The following TRPM3 variants were observed in gnomAD, a reference collection of about 807,000 sequenced individuals.
TRPM3 encodes the protein long transient receptor potential channel 3.
Under a neutral mutation model 181.2 loss-of-function variants are expected in TRPM3, and 77 were observed. The ratio of observed to expected loss-of-function variants is 0.42; its 90% CI spans 0.35 to 0.51. The LOEUF (loss-of-function observed/expected upper bound fraction) is 0.51, where lower values mean the gene tolerates loss of function less well. TRPM3 is among the 20% of genes least tolerant of loss of function. The pLI is 0.01. For missense variants in TRPM3, 1,759 were observed against 2,196.7 expected (o/e 0.80, Z 3.98); for synonymous variants, 745 against 796.4 (o/e 0.94, Z 1.09).
chr9:71,050,920 G>C (rs1435426273), intron 1 of TRPM3, among the ~76,000 whole-genome samples: 1 of 152,198 alleles, frequency 6.6e-6, no homozygotes, highest in Non-Finnish European at 1.5e-5. Context: ...GAGAAGGACT[G>C]ACTTATAGAT....
intron 5 of TRPM3, among the ~76,000 whole-genome samples, chr9:70,833,395 T>C (rs2094086576): frequency 6.6e-6 from 1 of 152,174 alleles, no homozygotes; most frequent in Non-Finnish European, 1.5e-5. Flanking sequence ...GGGTAGTGGA[T>C]GTGTGGCCCA....
intron 1 of TRPM3, among the ~76,000 whole-genome samples, chr9:71,436,256 T>C (rs1395610738): frequency 6.6e-6 from 1 of 151,624 alleles, no homozygotes; most frequent in African/African-American, 2.4e-5. Flanking sequence ...CTCAGCCATG[T>C]GGAACTGTAG....
intron 5 of TRPM3, among the ~76,000 whole-genome samples, chr9:70,841,661 TCCCACCATATATATGTATATATAG>T (rs2094668243): frequency 9.3e-5 from 8 of 86,046 alleles, no homozygotes; most frequent in South Asian, 4.4e-4. Context: ...TATATATATA[TCCCACCATATATATGTATATATAG>T]ATATATCCCA....
At chr9:70,583,054 G>C (rs1359613482) in intron 22 of TRPM3, among the ~76,000 whole-genome samples, 2 of 152,064 alleles carry the variant, frequency 1.3e-5, no homozygotes. Context: ...GTACTGGCTT[G>C]GTACCCCCCA....
In TRPM3 at chr9:71,268,614, C is replaced by G. The variant is rs537261200; in HGVS notation, c.183+178039G>C. Among the ~76,000 whole-genome samples, 13 of 152,092 alleles carry G rather than the reference C, an allele frequency of 8.5e-5. No individual in the cohort carries two copies. The East Asian group carries it at 2.5e-3, about 30-fold the overall frequency. On this transcript the variant is annotated intron_variant, in intron 1 of 24. Transcript: ENST00000357533. ...CTGAAGCGGGTGAATCACCTGAGGT[C>G]AGGAGTTCAAGACCAGCCTTGCCAA...
chr9:71,037,516 CGTGT>C (rs1037657520), intron 1 of TRPM3, among the ~76,000 whole-genome samples: 4 of 152,186 alleles, frequency 2.6e-5, no homozygotes, highest in South Asian at 2.1e-4. Context: ...GACACTTATA[CGTGT>C]GTGTGTGCAC....
intron 6 of TRPM3, among the ~76,000 whole-genome samples, chr9:70,795,204 G>C (rs2086699517): frequency 6.6e-6 from 1 of 152,162 alleles, no homozygotes; most frequent in African/African-American, 2.4e-5. Flanking sequence ...ACATTGAGGG[G>C]TGTTTGCATA....
At chr9:71,001,482 T>A (rs1242147636) in intron 1 of TRPM3, among the ~76,000 whole-genome samples, 2 of 152,248 alleles carry the variant, frequency 1.3e-5, no homozygotes, top group Middle Eastern at 3.2e-3. Flanking sequence ...CACCAGAAGT[T>A]ACTTTTCCTA....
intron 22 of TRPM3, among the ~76,000 whole-genome samples, chr9:70,554,070 G>A (rs59688965): frequency 0.015 from 2,156 of 145,906 alleles, 56 homozygotes; most frequent in African/African-American, 0.049. Flanking sequence ...CAAATGGGGG[G>A]AAAAAAAAAG....
chr9:71,441,606 ACTTTAGTTTTGC>A (rs2094137003), intron 1 of TRPM3, among the ~76,000 whole-genome samples: 1 of 147,908 alleles, frequency 6.8e-6, no homozygotes, highest in Non-Finnish European at 1.5e-5. Flanking sequence ...AGTTTTTCTG[ACTTTAGTTTTGC>A]CTTTGACTCG....
At chr9:71,363,491 T>C (rs1349486473) in intron 1 of TRPM3, among the ~76,000 whole-genome samples, 1 of 152,242 alleles carries the variant, frequency 6.6e-6, no homozygotes, top group Non-Finnish European at 1.5e-5. Context: ...TACTGCCCCA[T>C]CTGGTTTGAA....
intron 1 of TRPM3, among the ~76,000 whole-genome samples, chr9:71,295,650 C>A (rs529375144): frequency 3.3e-5 from 5 of 151,696 alleles, no homozygotes; most frequent in Admixed American, 2.0e-4. Flanking sequence ...CTCAACATAG[C>A]AAGACTGTAT....
At chr9:70,904,057 A>G (rs2096427121) in intron 1 of TRPM3, among the ~76,000 whole-genome samples, 3 of 152,152 alleles carry the variant, frequency 2.0e-5, no homozygotes, top group Admixed American at 6.5e-5. Flanking sequence ...ACCTATCTCT[A>G]CAAGAAACAC....
At chr9:70,783,822 C>T (rs1003507742) in intron 7 of TRPM3, 54 of 1,059,278 alleles carry the variant, frequency 5.1e-5, no homozygotes, top group South Asian at 2.4e-4. Flanking sequence ...GAAGGAGATA[C>T]GAAGAGAAGA....
At chr9:71,343,987 C>T (rs569232319) in intron 1 of TRPM3, among the ~76,000 whole-genome samples, 1 of 147,920 alleles carries the variant, frequency 6.8e-6, no homozygotes, top group South Asian at 2.2e-4. Flanking sequence ...TAACCTATTG[C>T]ATAAAATAGG....
At chr9:70,793,602 T>G (rs10868890) in intron 6 of TRPM3, 349,636 of 469,568 alleles carry the variant, frequency 0.74, 131,571 homozygotes, top group Non-Finnish European at 0.78. Flanking sequence ...TGATCAAACA[T>G]TCCTCTTCCC....
intron 1 of TRPM3, among the ~76,000 whole-genome samples, chr9:71,392,646 CTT>C (rs1190798893): frequency 6.6e-6 from 1 of 152,086 alleles, no homozygotes; most frequent in East Asian, 1.9e-4. Flanking sequence ...TTATCACTCT[CTT>C]CTCTCAGATT....
chr9:71,286,507 A>G (rs570759037), intron 1 of TRPM3, among the ~76,000 whole-genome samples: 33 of 152,168 alleles, frequency 2.2e-4, no homozygotes, highest in Non-Finnish European at 3.8e-4. Flanking sequence ...ATTTGTGACC[A>G]AAGGAGTTAC....
chr9:71,159,916 G>A (rs1423118447), intron 1 of TRPM3, among the ~76,000 whole-genome samples: 1 of 152,024 alleles, frequency 6.6e-6, no homozygotes, highest in Non-Finnish European at 1.5e-5. Context: ...CCAAAACTAG[G>A]GAACTATTGA....
Sources: allele counts gnomAD v4.1 joint callset (sites outside exome capture counted in the v4.1 genomes callset), GRCh38; gene constraint gnomAD v4.1.1; transcripts MANE v1.5; gene names NCBI Gene and HGNC (gene_info 2026-07-23, HGNC 2026-07-21).